TBC1D4: variants seen among roughly 807,000 people sequenced by gnomAD.
TBC1D4 encodes TBC1 domain family member 4.
Under a neutral mutation model 142.5 loss-of-function variants are expected in TBC1D4, and 121 were observed. That is an observed-to-expected ratio of 0.85 (90% CI 0.73 to 0.99). The LOEUF is 0.99. Among genes scored for constraint, TBC1D4 ranks in the 50% least tolerant of loss-of-function variants. The pLI, the probability that TBC1D4 is intolerant of heterozygous loss-of-function variation, is 0.00. For missense variants in TBC1D4, 1,475 were observed against 1,606.6 expected (o/e 0.92, Z 1.40); for synonymous variants, 630 against 628.2 (o/e 1.00, Z -0.04).
chr13:75,297,858 C>T (rs1876112229), intron 17 of TBC1D4, among the ~76,000 whole-genome samples: 1 of 151,720 alleles, frequency 6.6e-6, no homozygotes, highest in Non-Finnish European at 1.5e-5. Context: ...GTTAAACCTA[C>T]GAATAGTCAT....
At chr13:75,321,059 T>C (rs1878731068) in intron 11 of TBC1D4, among the ~76,000 whole-genome samples, 1 of 149,564 alleles carries the variant, frequency 6.7e-6, no homozygotes, top group African/African-American at 2.5e-5. Context: ...AAAAAAGTAA[T>C]GGTATTGTTA....
intron 1 of TBC1D4, among the ~76,000 whole-genome samples, chr13:75,365,290 T>C (rs966564871): frequency 6.6e-6 from 1 of 151,950 alleles, no homozygotes; most frequent in Non-Finnish European, 1.5e-5. Context: ...TTGAATGACA[T>C]GGGTTGCAGA....
chr13:75,318,140 T>C lies in TBC1D4; in HGVS notation c.2222+1874A>G, dbSNP rs184612324. Among the ~76,000 whole-genome samples the C allele has an allele frequency of 3.9e-5, 6 of 152,396 alleles. No homozygotes were observed. In the East Asian group the frequency reaches 1.2e-3, roughly 29 times the overall value. On this transcript the variant is annotated intron_variant, in intron 12 of 20. Transcript: ENST00000377636. ...ATTGTACAGAATGGAGATGCTCTAATGACCACTCACAGAGACTCAACTTTA... is the reference window on the plus strand; with the variant it reads ...ATTGTACAGAATGGAGATGCTCTAACGACCACTCACAGAGACTCAACTTTA...
intron 1 of TBC1D4, among the ~76,000 whole-genome samples, chr13:75,425,056 C>T (rs943567492): frequency 3.3e-5 from 5 of 151,508 alleles, no homozygotes; most frequent in African/African-American, 7.3e-5. Context: ...AGTGAAGAGA[C>T]AAACTATGAA....
intron 1 of TBC1D4, among the ~76,000 whole-genome samples, chr13:75,386,396 T>C (rs908013875): frequency 1.4e-4 from 21 of 151,424 alleles, no homozygotes; most frequent in African/African-American, 2.7e-4. Flanking sequence ...CTTTTTCTTT[T>C]TTTTTTTTTT....
intron 5 of TBC1D4, 44 bp downstream of exon 5, chr13:75,349,126 G>C (rs1881396317): frequency 6.2e-7 from 1 of 1,613,246 alleles, no homozygotes; most frequent in Non-Finnish European, 8.5e-7. Flanking sequence ...TTTCCCAAAT[G>C]CCAAAGCAAA....
intron 1 of TBC1D4, among the ~76,000 whole-genome samples, chr13:75,466,353 G>A (rs902835398): frequency 4.6e-5 from 7 of 152,082 alleles, no homozygotes; most frequent in East Asian, 1.9e-4. Flanking sequence ...TACTCCATCC[G>A]CACTAGAAAA....
chr13:75,415,720 A>G (rs1409990609), intron 1 of TBC1D4, among the ~76,000 whole-genome samples: 1 of 152,204 alleles, frequency 6.6e-6, no homozygotes, highest in Non-Finnish European at 1.5e-5. Context: ...ATAAAGGGTG[A>G]GCTGTATTTA....
At chr13:75,345,671 T>C (rs746114788) in intron 5 of TBC1D4, among the ~76,000 whole-genome samples, 6 of 152,010 alleles carry the variant, frequency 3.9e-5, no homozygotes, top group African/African-American at 1.5e-4. Flanking sequence ...GGCGGGCGGA[T>C]TGCCTGAGCT....
At chr13:75,337,239 A>G (rs1880303079) in intron 7 of TBC1D4, among the ~76,000 whole-genome samples, 199 bp from the exon 8 acceptor site, 1 of 152,212 alleles carries the variant, frequency 6.6e-6, no homozygotes, top group Non-Finnish European at 1.5e-5. Context: ...TGTATGTAAT[A>G]AAAAGACAGA....
chr13:75,378,762 T>C (rs1307567238), intron 1 of TBC1D4, among the ~76,000 whole-genome samples: 2 of 152,136 alleles, frequency 1.3e-5, no homozygotes, highest in Non-Finnish European at 2.9e-5. Flanking sequence ...TAAAAAATTA[T>C]CTATTAAAAA....
At chr13:75,291,409 G>C (rs1875292671) in intron 19 of TBC1D4, among the ~76,000 whole-genome samples, 2 of 152,176 alleles carry the variant, frequency 1.3e-5, no homozygotes, top group South Asian at 4.1e-4. Flanking sequence ...TGCAGCAGGG[G>C]TTTGAACAGC....
intron 11 of TBC1D4, 114 bp from the exon 12 acceptor site, chr13:75,320,151 C>A: frequency 9.2e-7 from 1 of 1,091,894 alleles, no homozygotes; most frequent in Non-Finnish European, 1.4e-6. Flanking sequence ...AAGGTTACTT[C>A]AATAATGAAC....
chr13:75,439,772 C>T (rs914320124), intron 1 of TBC1D4, among the ~76,000 whole-genome samples: 5 of 151,756 alleles, frequency 3.3e-5, no homozygotes, highest in East Asian at 3.9e-4. Context: ...CATGGTGGCA[C>T]GTGCCTATAA....
intron 1 of TBC1D4, among the ~76,000 whole-genome samples, chr13:75,401,539 T>C (rs1885095159): frequency 6.6e-6 from 1 of 152,218 alleles, no homozygotes; most frequent in Non-Finnish European, 1.5e-5. Context: ...CACAACCTAT[T>C]CTTTCCTATC....
chr13:75,308,739 G>A (rs753164422), intron 14 of TBC1D4, among the ~76,000 whole-genome samples: 6 of 151,980 alleles, frequency 3.9e-5, no homozygotes, highest in South Asian at 2.1e-4. Flanking sequence ...TGAAGCCTGC[G>A]AAACCTCAAG....
chr13:75,289,689 C>A (rs1875072371), intron 19 of TBC1D4, among the ~76,000 whole-genome samples: 1 of 152,150 alleles, frequency 6.6e-6, no homozygotes, highest in South Asian at 2.1e-4. Flanking sequence ...TTGTACCACA[C>A]AGAGAATCCT....
intron 1 of TBC1D4, among the ~76,000 whole-genome samples, chr13:75,423,583 A>G (rs970030349): frequency 7.2e-5 from 11 of 152,244 alleles, no homozygotes; most frequent in African/African-American, 2.7e-4. Flanking sequence ...TGAAGACATC[A>G]ATCAATTCCA....
chr13:75,336,048 C>T (rs1412123206), intron 8 of TBC1D4, among the ~76,000 whole-genome samples: 1 of 152,050 alleles, frequency 6.6e-6, no homozygotes, highest in East Asian at 1.9e-4. Flanking sequence ...ATCTATTGCT[C>T]GAATTCAAAT....
Sources: gnomAD v4.1 joint callset for allele counts (sites outside exome capture counted in the v4.1 genomes callset) on GRCh38, gnomAD v4.1.1 for gene constraint, MANE v1.5 for transcripts, NCBI Gene and HGNC (gene_info 2026-07-23, HGNC 2026-07-21) for gene names.